KCNQ5: variants seen among roughly 807,000 people sequenced by gnomAD.
KCNQ5 encodes potassium voltage-gated channel subfamily Q member 5.
KCNQ5 carries 30 observed loss-of-function variants against 98.2 expected under a neutral mutation model. The ratio of observed to expected loss-of-function variants is 0.31; its 90% CI spans 0.23 to 0.41. The LOEUF is 0.41. KCNQ5 is among the 10% of genes least tolerant of loss of function. The pLI is 1.00. For synonymous variants in KCNQ5, 458 were observed against 449.4 expected (o/e 1.02, Z -0.24); for missense variants, 835 against 1,182.5 (o/e 0.71, Z 4.31).
chr6:72,920,536 T>C (rs1298579106), intron 1 of KCNQ5, among the ~76,000 whole-genome samples: 1 of 152,206 alleles, frequency 6.6e-6, no homozygotes, highest in African/African-American at 2.4e-5. Context: ...TTAAAGCCTC[T>C]TTCTGAAGAC....
At chr6:72,871,534 A>G (rs1005916398) in intron 1 of KCNQ5, among the ~76,000 whole-genome samples, 2 of 152,232 alleles carry the variant, frequency 1.3e-5, no homozygotes, top group Non-Finnish European at 2.9e-5. Flanking sequence ...CACTAAAGTT[A>G]GAGATTTATT....
At chr6:72,697,086 A>G (rs917251040) in intron 1 of KCNQ5, among the ~76,000 whole-genome samples, 1 of 152,228 alleles carries the variant, frequency 6.6e-6, no homozygotes, top group Non-Finnish European at 1.5e-5. Context: ...CTCATTCTGT[A>G]AAACTGTTAA....
chr6:73,009,317 A>G (rs1769955676), intron 2 of KCNQ5, among the ~76,000 whole-genome samples: 1 of 152,042 alleles, frequency 6.6e-6, no homozygotes, highest in Non-Finnish European at 1.5e-5. Flanking sequence ...TAAACAACCA[A>G]TGGGTCAAAA....
intron 1 of KCNQ5, among the ~76,000 whole-genome samples, chr6:72,756,060 C>T (rs547289709): frequency 2.0e-5 from 3 of 152,248 alleles, no homozygotes; most frequent in African/African-American, 7.2e-5. Flanking sequence ...GGTGGAGTTC[C>T]TAGATATTTC....
intron 10 of KCNQ5, among the ~76,000 whole-genome samples, chr6:73,140,053 G>A (rs1285132848): frequency 6.6e-6 from 1 of 152,058 alleles, no homozygotes; most frequent in Non-Finnish European, 1.5e-5. Flanking sequence ...ACCCTTGTTT[G>A]AAAATATCAA....
At chr6:72,980,931 T>C (rs1768410162) in intron 1 of KCNQ5, among the ~76,000 whole-genome samples, 1 of 152,216 alleles carries the variant, frequency 6.6e-6, no homozygotes, top group African/African-American at 2.4e-5. Context: ...GTGGTTTTTG[T>C]CTTTGATTCT....
At chr6:73,070,235 C>T (rs1034371665) in intron 3 of KCNQ5, among the ~76,000 whole-genome samples, 4 of 151,826 alleles carry the variant, frequency 2.6e-5, no homozygotes, top group African/African-American at 4.8e-5. Context: ...TTGTGTCACA[C>T]GAATATAGGA....
intron 2 of KCNQ5, among the ~76,000 whole-genome samples, chr6:73,028,630 G>C (rs1770997325): frequency 6.6e-6 from 1 of 152,180 alleles, no homozygotes; most frequent in East Asian, 1.9e-4. Context: ...GAAAGAGTAA[G>C]AAGTGCACTT....
chr6:72,629,828 T>G (rs2098919832), intron 1 of KCNQ5, among the ~76,000 whole-genome samples: 1 of 152,218 alleles, frequency 6.6e-6, no homozygotes, highest in African/African-American at 2.4e-5. Flanking sequence ...AAGTTTTATT[T>G]GGTTGCAACC....
chr6:73,179,277 G>A (rs1159508067), intron 11 of KCNQ5, among the ~76,000 whole-genome samples: 1 of 152,218 alleles, frequency 6.6e-6, no homozygotes, highest in East Asian at 1.9e-4. Context: ...CTTCTTGTTG[G>A]TGGGGACTCT....
At chr6:72,835,140 A>G (rs887267872) in intron 1 of KCNQ5, among the ~76,000 whole-genome samples, 2 of 152,050 alleles carry the variant, frequency 1.3e-5, no homozygotes, top group African/African-American at 4.8e-5. Context: ...CAGCTCAAGG[A>G]TGGTCAATGT....
chr6:72,952,463 C>T (rs1766850793), intron 1 of KCNQ5, among the ~76,000 whole-genome samples: 2 of 152,174 alleles, frequency 1.3e-5, no homozygotes, highest in Non-Finnish European at 2.9e-5. Context: ...ACTTCTCCTT[C>T]TAGACCACAG....
Position 72,806,853 on chromosome 6 carries a change from T to A in KCNQ5, c.398+184266T>A, listed in dbSNP as rs1310712129. On this transcript the variant is annotated intron_variant, in intron 1 of 13. Transcript: ENST00000370398. The stretch of plus-strand genomic sequence containing the variant: ...TTCCTTTCAAATTTTATTTATTAAT[T>A]TTCAGTTTCGTTTTTCTCCCATATG... 5 of 447,880 alleles carry A rather than the reference T, an allele frequency of 1.1e-5. No homozygotes were observed. In the Admixed American group the frequency reaches 1.2e-4, roughly 11 times the overall value. 27.7% of individuals were successfully genotyped at this position (447,880 alleles called of 1,614,324 possible).
intron 1 of KCNQ5, among the ~76,000 whole-genome samples, chr6:72,814,171 G>A (rs905395609): frequency 6.6e-6 from 1 of 152,212 alleles, no homozygotes; most frequent in African/African-American, 2.4e-5. Flanking sequence ...AGGGTGGGAA[G>A]CAGAAGACAA....
chr6:72,684,068 G>A (rs1340921275), intron 1 of KCNQ5, among the ~76,000 whole-genome samples: 1 of 152,142 alleles, frequency 6.6e-6, no homozygotes, highest in Non-Finnish European at 1.5e-5. Context: ...CTCTGTTCAT[G>A]TATGTATAAT....
intron 3 of KCNQ5, among the ~76,000 whole-genome samples, chr6:73,077,102 G>T (rs1418117534): frequency 6.6e-6 from 1 of 152,178 alleles, no homozygotes; most frequent in Non-Finnish European, 1.5e-5. Flanking sequence ...AATGGCCAAA[G>T]GGTCAGAACT....
At chr6:73,093,274 A>G (rs997351617) in intron 5 of KCNQ5, among the ~76,000 whole-genome samples, 3 of 151,790 alleles carry the variant, frequency 2.0e-5, no homozygotes, top group Non-Finnish European at 2.9e-5. Context: ...TTTCTTCTTG[A>G]GCTAATTTGC....
chr6:72,627,419 G>A lies in KCNQ5; in HGVS notation c.398+4832G>A, dbSNP rs544476349. Among the ~76,000 whole-genome samples, 4 of 152,294 alleles carry A rather than the reference G, an allele frequency of 2.6e-5. No homozygotes were observed. The East Asian group carries it at 7.7e-4, about 29-fold the overall frequency. ...AACCCAAAGGCCGAGGGAAAGCCTGGGAGATCTTATTTTCATGAAAGCAAA... is the reference window on the plus strand; with the variant it reads ...AACCCAAAGGCCGAGGGAAAGCCTGAGAGATCTTATTTTCATGAAAGCAAA... On this transcript the variant is annotated intron_variant, in intron 1 of 13. Coordinates refer to ENST00000370398, the MANE Select transcript of KCNQ5 (RefSeq NM_019842.4).
chr6:72,889,189 C>T (rs1222207457), intron 1 of KCNQ5, among the ~76,000 whole-genome samples: 4 of 152,040 alleles, frequency 2.6e-5, no homozygotes, highest in African/African-American at 7.2e-5. Context: ...ATGCAAATAT[C>T]GAATGAACAG....
Sources: allele counts gnomAD v4.1 joint callset (sites outside exome capture counted in the v4.1 genomes callset), GRCh38; gene constraint gnomAD v4.1.1; transcripts MANE v1.5; gene names NCBI Gene and HGNC (gene_info 2026-07-23, HGNC 2026-07-21).